BANK1: variants seen among roughly 807,000 people sequenced by gnomAD.
BANK1 encodes the protein B cell scaffold protein with ankyrin repeats 1, also known as B-cell scaffold protein with ankyrin repeats.
A neutral mutation model predicts 94.5 loss-of-function variants in BANK1; 95 were observed. That is an observed-to-expected ratio of 1.00 (90% confidence interval 0.85 to 1.19). BANK1 has a LOEUF of 1.19. Ranked by LOEUF, BANK1 falls within the 50% of genes most tolerant of loss-of-function variation. BANK1 has a pLI of 0.00. For synonymous variants in BANK1, 334 were observed against 308.4 expected, an observed-to-expected ratio of 1.08 and a Z score of -0.87; for missense variants, 987 against 932.2, an observed-to-expected ratio of 1.06 and a Z score of -0.77.
chr4:102,050,474 C>T (rs1728010784), intron 11 of BANK1, among the ~76,000 whole-genome samples: 1 of 152,172 alleles, frequency 6.6e-6, no homozygotes, highest in South Asian at 2.1e-4. Flanking sequence ...AGATAGTAAT[C>T]AGCAATAATC....
At chr4:102,015,629 G>A (rs910552827) in intron 7 of BANK1, among the ~76,000 whole-genome samples, 3 of 152,130 alleles carry the variant, frequency 2.0e-5, no homozygotes, top group Admixed American at 2.0e-4. Context: ...AAAGACGGTT[G>A]TAAACAATAG....
rs1728529287 is a variant in BANK1, at chr4:102,064,620, A to G, written c.2212+1482A>G. On this transcript the variant is annotated intron_variant, in intron 13 of 16. Coordinates refer to ENST00000322953, the MANE Select transcript of BANK1 (RefSeq NM_017935.5). ...TTATCAGTGCCTTAATTATGAATCA[A>G]TTAGTTCTCCTTTCAGCCGCACTGG... Among the ~76,000 whole-genome samples the G allele has an allele frequency of 3.3e-5, 5 of 152,244 alleles. No homozygotes were observed. The South Asian group carries it at 8.3e-4, about 25-fold the overall frequency.
At chr4:102,026,934 G>A (rs1355808028) in intron 9 of BANK1, among the ~76,000 whole-genome samples, 1 of 152,060 alleles carries the variant, frequency 6.6e-6, no homozygotes, top group Non-Finnish European at 1.5e-5. Context: ...ATTTAGAGAT[G>A]GAAAGTACTG....
chr4:102,031,378 C>T lies in BANK1; in HGVS notation c.1900+1113C>T, dbSNP rs543367138. On this transcript the variant is annotated intron_variant, in intron 10 of 16. Transcript: ENST00000322953. ...GATAAATTGCCAAAATTTTCTCCCACTCTGTAGGTTGCGTGTTCACTCTGA... is the reference window on the plus strand; with the variant it reads ...GATAAATTGCCAAAATTTTCTCCCATTCTGTAGGTTGCGTGTTCACTCTGA... Among the ~76,000 whole-genome samples the T allele has an allele frequency of 6.0e-4, 91 of 152,234 alleles. 1 individual carries two copies. Among genetic ancestry groups the T allele is most frequent in the African/African-American group, 1.9e-3 (78 of 41,550 alleles).
At position 101,884,035 on chromosome 4, in the gene BANK1, T is replaced by G. The variant is rs533882486; in HGVS notation, c.904-11270T>G. 5.3e-5 allele frequency among the ~76,000 whole-genome samples: 8 copies of G among 152,312 alleles called. No homozygotes were observed. In the East Asian group the frequency reaches 1.5e-3, roughly 29 times the overall value. ...ATAAGATAAAGAAATAAAGTAGATA[T>G]GTAATTTGGAAACTCTAAACTCTCT... On this transcript the variant is annotated intron_variant, in intron 5 of 16. Coordinates refer to ENST00000322953, the MANE Select transcript of BANK1 (RefSeq NM_017935.5).
intron 10 of BANK1, among the ~76,000 whole-genome samples, chr4:102,040,434 G>A (rs542560505): frequency 2.1e-4 from 32 of 152,070 alleles, no homozygotes; most frequent in African/African-American, 7.2e-4. Context: ...TGGTGACAAC[G>A]ACTAATAATG....
intron 5 of BANK1, among the ~76,000 whole-genome samples, chr4:101,879,469 A>G (rs898681478): frequency 1.3e-5 from 2 of 152,120 alleles, no homozygotes; most frequent in Non-Finnish European, 2.9e-5. Flanking sequence ...GTCTCAGTAA[A>G]GAAAAGCTTG....
chr4:101,966,866 C>G (rs535204636), intron 7 of BANK1, among the ~76,000 whole-genome samples: 2 of 151,976 alleles, frequency 1.3e-5, no homozygotes, highest in African/African-American at 2.4e-5. Flanking sequence ...TGACTCCCAC[C>G]CAAGGAGGCT....
In BANK1 at chr4:101,790,942, C is replaced by T. The variant is rs751781639; in HGVS notation, c.62C>T (p.Ala21Val). The T allele has an allele frequency of 1.3e-6, 2 of 1,522,144 alleles. No homozygotes were observed. The highest frequency in any genetic ancestry group is 1.9e-4 in the Middle Eastern group (1 of 5,308). The allele number at this position is 1,522,144 out of a possible 1,614,324, so 94.3% of individuals were successfully genotyped here. Residue 21 changes from alanine to valine, a missense_variant, in exon 1 of 17, where the codon GCG becomes GTG. Ala to Val is a moderately conservative substitution (Grantham distance 64). Coordinates refer to ENST00000322953, the MANE Select transcript of BANK1 (RefSeq NM_017935.5). ...GSPDPAPCGP[A>V]PPGNTKDIIM... ...CCGGACCCCGCCCCCTGCGGCCCAG[C>T]GCCCCCAGGTGGGTAGTCGCGCATT...
In BANK1 at chr4:101,887,846, ATC is replaced by A. The variant is rs1390656905; in HGVS notation, c.904-7455_904-7454del. Among the ~76,000 whole-genome samples the A allele has an allele frequency of 2.6e-5, 4 of 152,338 alleles. No homozygotes were observed. In the South Asian group the frequency reaches 8.3e-4, roughly 32 times the overall value. ...GAAAATTAAGTTGATAAAAGAAAATATCTCTTTTAGATTTATACATTTACATT... is the reference window on the plus strand; with the variant it reads ...GAAAATTAAGTTGATAAAAGAAAATATCTTTTAGATTTATACATTTACATT... On this transcript the variant is annotated intron_variant, in intron 5 of 16. Coordinates refer to ENST00000322953, the MANE Select transcript of BANK1 (RefSeq NM_017935.5).
At chr4:101,920,069 C>T (rs2148900936) in intron 7 of BANK1, among the ~76,000 whole-genome samples, 1 of 151,988 alleles carries the variant, frequency 6.6e-6, no homozygotes, top group Middle Eastern at 3.4e-3. Context: ...CATATGTTGA[C>T]ACTGTCATGG....
chr4:101,889,820 AG>A (rs1039005210), intron 5 of BANK1, among the ~76,000 whole-genome samples: 2 of 152,076 alleles, frequency 1.3e-5, no homozygotes, highest in Admixed American at 6.6e-5. Flanking sequence ...AAATTTTCTC[AG>A]CCCTCCTTTA....
intron 7 of BANK1, among the ~76,000 whole-genome samples, chr4:101,952,080 G>A (rs1055209081): frequency 2.0e-5 from 3 of 151,904 alleles, no homozygotes; most frequent in African/African-American, 7.2e-5. Flanking sequence ...ATAAATAAAT[G>A]CATAAATAAA....
chr4:101,835,285 G>A (rs1726781131), intron 2 of BANK1, among the ~76,000 whole-genome samples: 1 of 152,132 alleles, frequency 6.6e-6, no homozygotes, highest in African/African-American at 2.4e-5. Context: ...CTGGTTTTCA[G>A]GATCCTGGCA....
chr4:102,025,927 T>A (rs1408629593), intron 9 of BANK1, among the ~76,000 whole-genome samples: 4 of 152,214 alleles, frequency 2.6e-5, no homozygotes, highest in Non-Finnish European at 4.4e-5. Context: ...AAACATACTC[T>A]CAGTCTTCAG....
chr4:101,992,657 CCCCA>C (rs1725748257), intron 7 of BANK1, among the ~76,000 whole-genome samples: 1 of 152,098 alleles, frequency 6.6e-6, no homozygotes, highest in South Asian at 2.1e-4. Flanking sequence ...CACAACTTCT[CCCCA>C]CCTGGCTTCA....
chr4:102,055,155 A>ATAGTT (rs1401676432), intron 11 of BANK1, among the ~76,000 whole-genome samples: 1 of 152,056 alleles, frequency 6.6e-6, no homozygotes, highest in Non-Finnish European at 1.5e-5. Flanking sequence ...TTTTAACTCA[A>ATAGTT]TAGTTAACCA....
intron 5 of BANK1, among the ~76,000 whole-genome samples, chr4:101,881,151 G>A (rs1728661683): frequency 6.6e-6 from 1 of 151,930 alleles, no homozygotes; most frequent in Non-Finnish European, 1.5e-5. Context: ...CAGAATTGGA[G>A]AACATATTTG....
At chr4:101,803,779 C>T (rs531510460) in intron 1 of BANK1, among the ~76,000 whole-genome samples, 2 of 151,558 alleles carry the variant, frequency 1.3e-5, no homozygotes, top group South Asian at 4.2e-4. Context: ...GGGCGGATCA[C>T]GAGGTCAGGA....
Sources: allele counts gnomAD v4.1 joint callset (sites outside exome capture counted in the v4.1 genomes callset), GRCh38; gene constraint gnomAD v4.1.1; transcripts MANE v1.5; gene names NCBI Gene and HGNC (gene_info 2026-07-23, HGNC 2026-07-21).